Variants in FRMD4A observed in about 807,000 individuals in gnomAD.
FRMD4A encodes the protein FERM domain-containing protein 4A.
In FRMD4A, 29 loss-of-function variants were observed where a neutral mutation model predicts 129.1. The observed-to-expected ratio is 0.22, with a 90% CI of 0.17 to 0.31. FRMD4A has a LOEUF of 0.31. FRMD4A is among the 10% of genes least tolerant of loss of function. FRMD4A has a pLI of 1.00. For synonymous variants in FRMD4A, 634 were observed against 571.6 expected, an observed-to-expected ratio of 1.11 and a Z score of -1.56; for missense variants, 1,272 against 1,375.8, an observed-to-expected ratio of 0.92 and a Z score of 1.19.
intron 2 of FRMD4A, among the ~76,000 whole-genome samples, chr10:14,259,795 G>A (rs1316648156): frequency 6.6e-6 from 1 of 151,994 alleles, no homozygotes; most frequent in African/African-American, 2.4e-5. Flanking sequence ...ACGGCTCATT[G>A]TCATCATGGA....
chr10:14,243,830 T>TAA (rs148913321), intron 2 of FRMD4A, among the ~76,000 whole-genome samples: 3,995 of 142,674 alleles, frequency 0.028, 141 homozygotes, highest in African/African-American at 0.08. Flanking sequence ...ATTACCACAA[T>TAA]TAAAAAAAAA....
chr10:14,149,826 G>A (rs1257836160), intron 2 of FRMD4A, among the ~76,000 whole-genome samples: 2 of 152,162 alleles, frequency 1.3e-5, no homozygotes, highest in East Asian at 3.8e-4. Flanking sequence ...ACCTCATCCC[G>A]GCCAGCTCTC....
At chr10:14,256,869 T>C (rs896294751) in intron 2 of FRMD4A, among the ~76,000 whole-genome samples, 6 of 152,110 alleles carry the variant, frequency 3.9e-5, no homozygotes, top group Admixed American at 3.3e-4. Flanking sequence ...TGTAATAACA[T>C]ATACATACTT....
intron 3 of FRMD4A, among the ~76,000 whole-genome samples, chr10:13,814,699 A>G (rs940251825): frequency 2.0e-5 from 3 of 152,048 alleles, no homozygotes; most frequent in Admixed American, 1.3e-4. Context: ...GAGAAAAAAA[A>G]GAGAGCTAAA....
At chr10:14,101,972 T>C (rs10906596) in intron 2 of FRMD4A, among the ~76,000 whole-genome samples, 2 of 152,106 alleles carry the variant, frequency 1.3e-5, no homozygotes, top group African/African-American at 4.8e-5. Flanking sequence ...ATGAAAAAAA[T>C]TAAGCTGCTT....
At chr10:14,152,643 C>T (rs1001905452) in intron 2 of FRMD4A, among the ~76,000 whole-genome samples, 7 of 152,004 alleles carry the variant, frequency 4.6e-5, no homozygotes, top group Admixed American at 3.9e-4. Context: ...TCAAAACAAG[C>T]CTGGGCAACA....
chr10:14,240,263 G>C (rs1843994456), intron 2 of FRMD4A, among the ~76,000 whole-genome samples: 1 of 152,174 alleles, frequency 6.6e-6, no homozygotes, highest in Admixed American at 6.5e-5. Flanking sequence ...GTTTCAGACA[G>C]AAATCACACA....
chr10:14,013,592 C>T (rs1258553733), intron 2 of FRMD4A, among the ~76,000 whole-genome samples: 2 of 152,160 alleles, frequency 1.3e-5, no homozygotes, highest in African/African-American at 4.8e-5. Context: ...AGGCACCCTG[C>T]AAGGACAAGA....
chr10:13,753,998 G>A (rs918997256), intron 8 of FRMD4A, among the ~76,000 whole-genome samples: 14 of 152,044 alleles, frequency 9.2e-5, no homozygotes, highest in Admixed American at 8.5e-4. Flanking sequence ...TTTAAAAATT[G>A]TTTCATAAGT....
chr10:13,788,434 C>G (rs943930145), intron 5 of FRMD4A, among the ~76,000 whole-genome samples: 2 of 152,244 alleles, frequency 1.3e-5, no homozygotes, highest in African/African-American at 2.4e-5. Context: ...CCCGGCTCCC[C>G]AATGCCTCCC....
rs146744054 is a variant in FRMD4A at position 13,861,257 on chromosome 10, T to C, written c.46-2345A>G. On this transcript the variant is annotated intron_variant, in intron 2 of 24. Transcript: ENST00000357447. The stretch of plus-strand genomic sequence containing the variant: ...AATGTATTTGCAGGTACGGCAAGAT[T>C]AAACAAATAACAAGAAAAGATAGTC... 3.9e-3 allele frequency among the ~76,000 whole-genome samples: 591 copies of C among 152,322 alleles called. 5 individuals carry two copies. Among genetic ancestry groups the C allele is most frequent in the African/African-American group, 0.013 (561 of 41,576 alleles).
At chr10:13,761,699 A>G in intron 7 of FRMD4A, 30 bp from the exon 8 acceptor site, 2 of 1,537,544 alleles carry the variant, frequency 1.3e-6, no homozygotes, top group Admixed American at 1.7e-5. Context: ...ACATCAGCGA[A>G]ATACACTAAG....
intron 3 of FRMD4A, among the ~76,000 whole-genome samples, chr10:13,825,388 G>A (rs1206570376): frequency 6.6e-6 from 1 of 152,190 alleles, no homozygotes; most frequent in African/African-American, 2.4e-5. Context: ...TAGAAACTGG[G>A]TTGCACAGCA....
chr10:13,924,255 G>A (rs2131266434), intron 2 of FRMD4A, among the ~76,000 whole-genome samples: 1 of 152,214 alleles, frequency 6.6e-6, no homozygotes, highest in Non-Finnish European at 1.5e-5. Flanking sequence ...AAAATCGTAA[G>A]CCAGATCACA....
chr10:14,171,668 C>T (rs1254354584), intron 2 of FRMD4A, among the ~76,000 whole-genome samples: 2 of 152,186 alleles, frequency 1.3e-5, no homozygotes, highest in African/African-American at 2.4e-5. Flanking sequence ...GCATTAAGCA[C>T]CCATGATTTA....
At chr10:13,865,851 C>T (rs1452748110) in intron 2 of FRMD4A, among the ~76,000 whole-genome samples, 1 of 152,116 alleles carries the variant, frequency 6.6e-6, no homozygotes, top group African/African-American at 2.4e-5. Flanking sequence ...CCTGTATTCT[C>T]TTAGTTTCCT....
intron 2 of FRMD4A, among the ~76,000 whole-genome samples, chr10:13,933,072 A>T (rs2095215595): frequency 6.6e-6 from 1 of 152,038 alleles, no homozygotes; most frequent in Non-Finnish European, 1.5e-5. Context: ...GAGGCAGGAG[A>T]ATTGCTTGAT....
intron 6 of FRMD4A, among the ~76,000 whole-genome samples, chr10:13,769,601 T>TA (rs2092394152): frequency 6.6e-6 from 1 of 152,146 alleles, no homozygotes; most frequent in Non-Finnish European, 1.5e-5. Flanking sequence ...TGAGCCACTG[T>TA]GTCCGGCCCC....
rs533011420 is a variant in FRMD4A at position 13,971,741 on chromosome 10, C to G, written c.46-112829G>C. 7 of 1,304,274 alleles carry G rather than the reference C, an allele frequency of 5.4e-6. No homozygotes were observed. In the South Asian group the frequency reaches 6.2e-5, roughly 11 times the overall value. 80.8% of individuals were successfully genotyped at this position (1,304,274 alleles called of 1,614,324 possible). A position where few individuals can be genotyped will look rare whatever the true frequency, so the allele number is the denominator to read the frequency against. On this transcript the variant is annotated intron_variant, in intron 2 of 24. Coordinates refer to ENST00000357447, the MANE Select transcript of FRMD4A (RefSeq NM_018027.5). The stretch of plus-strand genomic sequence containing the variant: ...CCTCACTTGGCAGGTCCTCAGCGCC[C>G]GACAAGTCAGGTTCCAACTCCACGG...
Sources: allele counts gnomAD v4.1 joint callset (sites outside exome capture counted in the v4.1 genomes callset), GRCh38; gene constraint gnomAD v4.1.1; transcripts MANE v1.5; gene names NCBI Gene and HGNC (gene_info 2026-07-23, HGNC 2026-07-21).